The following LAMP5 variants were observed in gnomAD, a reference collection of about 807,000 sequenced individuals.
LAMP5 encodes lysosome associated membrane protein 5, also known as lysosome-associated membrane glycoprotein 5.
LAMP5 carries 36 observed loss-of-function variants against 30.2 expected under a neutral mutation model. That is an observed-to-expected ratio of 1.19 (90% CI 0.91 to 1.57). LAMP5 has a LOEUF of 1.57. LAMP5 is among the 40% of genes most tolerant of loss of function. The pLI, the probability that LAMP5 is intolerant of heterozygous loss-of-function variation, is 0.00. For missense variants in LAMP5, 377 were observed against 354.9 expected, an observed-to-expected ratio of 1.06 and a Z score of -0.50; for synonymous variants, 149 against 134.6, an observed-to-expected ratio of 1.11 and a Z score of -0.74.
In LAMP5 at chr20:9,530,515, A is replaced by C. The variant is rs775401984; in HGVS notation, c.*695A>C. The C allele has an allele frequency of 6.6e-6, 1 of 152,654 alleles. No individual in the cohort carries two copies. The highest frequency in any genetic ancestry group is 6.5e-5 in the Admixed American group (1 of 15,278). 9.5% of individuals were successfully genotyped at this position (152,654 alleles called of 1,614,324 possible). ...TTTTCAAAATGAAATAAAACACACTATTCTCTGGCCTTTGGCTGCTTTCTT... is the reference window on the plus strand; with the variant it reads ...TTTTCAAAATGAAATAAAACACACTCTTCTCTGGCCTTTGGCTGCTTTCTT... On this transcript the variant is annotated 3_prime_UTR_variant, in exon 6 of 6. Coordinates refer to ENST00000246070, the MANE Select transcript of LAMP5 (RefSeq NM_012261.4).
rs2045030539 is a variant in LAMP5, at chr20:9,515,612, G to A, written c.224G>A (p.Ser75Asn). 1 of 1,613,508 alleles carries A rather than the reference G, an allele frequency of 6.2e-7. No homozygotes were observed. Among genetic ancestry groups the A allele is most frequent in the African/African-American group, 1.3e-5 (1 of 74,592 alleles). ...ATTGTACCTTATGATGTGTGGGCCA[G>A]CAACTACGTAGATGTAAGGAATCTT... ...KFIVPYDVWASNYVDLITEQA... is the reference protein window; with the variant it reads ...KFIVPYDVWANNYVDLITEQA... Residue 75 changes from serine to asparagine, a missense_variant, in exon 2 of 6, where the codon AGC (serine) becomes AAC (asparagine). Transcript: ENST00000246070.
Position 9,515,638 on chromosome 20 carries a change from T to TCCC in LAMP5, c.237+19_237+21dup, listed in dbSNP as rs148870783. The TCCC allele has an allele frequency of 1.4e-4, 232 of 1,603,310 alleles. No individual in the cohort carries two copies. The highest frequency in any genetic ancestry group is 2.6e-4 in the African/African-American group (19 of 73,034). On this transcript the variant is annotated intron_variant, in intron 2 of 5. Coordinates refer to ENST00000246070, the MANE Select transcript of LAMP5 (RefSeq NM_012261.4). The stretch of plus-strand genomic sequence containing the variant: ...CAACTACGTAGATGTAAGGAATCTT[T>TCCC]CCCCCCCCTCAGCTTGCTCCTAGGG...
intron 5 of LAMP5, among the ~76,000 whole-genome samples, chr20:9,521,479 C>T (rs2122838820): frequency 6.6e-6 from 1 of 152,324 alleles, no homozygotes; most frequent in African/African-American, 2.4e-5. Flanking sequence ...GGCTTTTGAG[C>T]TAACAGTCTC....
At chr20:9,517,617 A>ATGTGTGTGTGTGTGTGTGTGTG (rs1360512633) in intron 4 of LAMP5, among the ~76,000 whole-genome samples, 2 of 79,064 alleles carry the variant, frequency 2.5e-5, no homozygotes, top group African/African-American at 1.8e-4. Context: ...AATTTTGTAA[A>ATGTGTGTGTGTGTGTGTGTGTG]TGTATGTGTG....
At chr20:9,516,437 G>A in intron 4 of LAMP5, 76 bp downstream of exon 4, 1 of 1,280,646 alleles carries the variant, frequency 7.8e-7, no homozygotes, top group Non-Finnish European at 1.1e-6. Flanking sequence ...ATTCCTCAAG[G>A]TTTTGGAAAC....
At chr20:9,523,443 T>C (rs931580260) in intron 5 of LAMP5, among the ~76,000 whole-genome samples, 1 of 151,646 alleles carries the variant, frequency 6.6e-6, no homozygotes, top group African/African-American at 2.4e-5. Context: ...TCTCAGGGAG[T>C]CAATATAATT....
chr20:9,519,947 G>T (rs1054785309), intron 5 of LAMP5, among the ~76,000 whole-genome samples: 3 of 152,190 alleles, frequency 2.0e-5, no homozygotes, highest in Non-Finnish European at 2.9e-5. Flanking sequence ...TAGATTTTTA[G>T]AATGGTGTAT....
In LAMP5 at chr20:9,521,012, C is replaced by G. The variant is rs2045076406; in HGVS notation, c.664+2784C>G. 2.0e-5 allele frequency among the ~76,000 whole-genome samples: 3 copies of G among 152,228 alleles called. No homozygotes were observed. The South Asian group carries it at 6.2e-4, about 32-fold the overall frequency. ...CAAGAAGCTCCATTGCTAGCAAGGT[C>G]TCAGGTGACACTGCTGGCCCATGGA... On this transcript the variant is annotated intron_variant, in intron 5 of 5. Transcript: ENST00000246070.
rs988940529 is a variant in LAMP5, at chr20:9,522,382, G to C, written c.664+4154G>C. ...GCTGTCATGTCACAAATGCATGAAG[G>C]GTTTGCTGATCCAGAGAGTTTTGTA... is the stretch of plus-strand genomic sequence containing the variant. On this transcript the variant is annotated intron_variant, in intron 5 of 5. Coordinates refer to ENST00000246070, the MANE Select transcript of LAMP5 (RefSeq NM_012261.4). Among the ~76,000 whole-genome samples, 6 of 152,248 alleles carry C rather than the reference G, an allele frequency of 3.9e-5. No homozygotes were observed. The East Asian group carries it at 5.8e-4, about 15-fold the overall frequency.
chr20:9,515,030 G>T (rs2045025295), intron 1 of LAMP5, 114 bp downstream of exon 1: 2 of 1,014,078 alleles, frequency 2.0e-6, no homozygotes, highest in African/African-American at 3.3e-5. Flanking sequence ...AATGTTTTGC[G>T]GTGTTTTTTC....
chr20:9,515,068 G>C, intron 1 of LAMP5, 152 bp downstream of exon 1: 192 of 680,236 alleles, frequency 2.8e-4, no homozygotes, highest in Non-Finnish European at 4.4e-4. Context: ...AGGAGGGAGG[G>C]CCTTCCTCGC....
chr20:9,516,472 C>A (rs1603167986), intron 4 of LAMP5, 111 bp downstream of exon 4: 1 of 877,410 alleles, frequency 1.1e-6, no homozygotes, highest in Non-Finnish European at 1.8e-6. Flanking sequence ...AGGTCCCAGG[C>A]CAAGTCTTCC....
chr20:9,517,992 G>T (rs760785861), intron 4 of LAMP5, 48 bp from the exon 5 acceptor site: 3 of 883,904 alleles, frequency 3.4e-6, no homozygotes, highest in Non-Finnish European at 4.8e-6. Flanking sequence ...GGCACATTAG[G>T]TTAGGAACAA....
chr20:9,528,496 T>C (rs2179430), intron 5 of LAMP5, among the ~76,000 whole-genome samples: 14,880 of 152,208 alleles, frequency 0.098, 906 homozygotes, highest in East Asian at 0.32. Flanking sequence ...TGAAACATTG[T>C]TTACACATAG....
chr20:9,520,290 G>A (rs2045070557), intron 5 of LAMP5, among the ~76,000 whole-genome samples: 1 of 152,228 alleles, frequency 6.6e-6, no homozygotes, highest in South Asian at 2.1e-4. Context: ...ATCACTCACT[G>A]GATCAGTGTG....
chr20:9,524,613 A>AAAAAAC (rs2045100640), intron 5 of LAMP5, among the ~76,000 whole-genome samples: 1 of 146,362 alleles, frequency 6.8e-6, no homozygotes, highest in African/African-American at 2.6e-5. Context: ...AAAAAAAAAA[A>AAAAAAC]AAACAAACAA....
intron 4 of LAMP5, 94 bp downstream of exon 4, chr20:9,516,455 C>T: frequency 2.8e-6 from 3 of 1,053,708 alleles, no homozygotes; most frequent in African/African-American, 1.6e-5. Flanking sequence ...AACCGTCCCA[C>T]GCTTTGAGGT....
intron 5 of LAMP5, among the ~76,000 whole-genome samples, chr20:9,520,479 G>A (rs73899118): frequency 0.046 from 7,008 of 152,222 alleles, 553 homozygotes; most frequent in African/African-American, 0.16. Context: ...CAAGCTCAGG[G>A]GCCTTTCGGT....
intron 1 of LAMP5, 187 bp downstream of exon 1, chr20:9,515,103 GC>G (rs1203459379): frequency 9.4e-6 from 6 of 639,492 alleles, no homozygotes; most frequent in Non-Finnish European, 1.7e-5. Flanking sequence ...TCCCCTGAGA[GC>G]CATACACCTC....
Sources: gnomAD v4.1 joint callset for allele counts (sites outside exome capture counted in the v4.1 genomes callset) on GRCh38, gnomAD v4.1.1 for gene constraint, MANE v1.5 for transcripts, NCBI Gene and HGNC (gene_info 2026-07-23, HGNC 2026-07-21) for gene names.